RAB1A: variants seen among roughly 807,000 people sequenced by gnomAD.
The protein encoded by RAB1A is ras-related protein Rab-1A.
A neutral mutation model predicts 26.0 loss-of-function variants in RAB1A; 2 were observed. That is an observed-to-expected ratio of 0.08 (90% CI 0.03 to 0.24). The LOEUF (loss-of-function observed/expected upper bound fraction) is 0.24. RAB1A is among the 10% of genes least tolerant of loss of function. RAB1A has a pLI of 1.00. For missense variants in RAB1A, 100 were observed against 247.0 expected (o/e 0.40, Z 3.99); for synonymous variants, 84 against 84.9 (o/e 0.99, Z 0.06).
intron 3 of RAB1A, 63 bp downstream of exon 3, chr2:65,097,908 A>G (rs1270546194): frequency 9.7e-6 from 9 of 927,608 alleles, no homozygotes; most frequent in Non-Finnish European, 1.4e-5. Flanking sequence ...TATATACAAA[A>G]TAACAATACA....
intron 4 of RAB1A, among the ~76,000 whole-genome samples, chr2:65,089,350 C>CT (rs982332150): frequency 3.3e-5 from 5 of 151,980 alleles, no homozygotes; most frequent in African/African-American, 1.2e-4. Context: ...ATAGCTGGGA[C>CT]TACAGGCACA....
intron 1 of RAB1A, among the ~76,000 whole-genome samples, chr2:65,124,301 T>C (rs930392724): frequency 6.6e-6 from 1 of 152,114 alleles, no homozygotes; most frequent in African/African-American, 2.4e-5. Context: ...AATTTTTTAA[T>C]GCAAAATTTC....
chr2:65,099,937 A>G (rs973929926), intron 2 of RAB1A, among the ~76,000 whole-genome samples: 2 of 152,218 alleles, frequency 1.3e-5, no homozygotes, highest in African/African-American at 4.8e-5. Context: ...ATATTGGACA[A>G]TCTACAGGAC....
chr2:65,107,914 A>G (rs1455353377), intron 1 of RAB1A, among the ~76,000 whole-genome samples: 3 of 152,016 alleles, frequency 2.0e-5, no homozygotes, highest in Non-Finnish European at 4.4e-5. Context: ...AAATACTAAA[A>G]TTAGCTAGGC....
chr2:65,116,146 G>A (rs1216461765), intron 1 of RAB1A, among the ~76,000 whole-genome samples: 1 of 151,902 alleles, frequency 6.6e-6, no homozygotes, highest in Non-Finnish European at 1.5e-5. Flanking sequence ...AACAGAGTGA[G>A]ACTCCATCTC....
chr2:65,107,663 C>T (rs987819642), intron 1 of RAB1A, among the ~76,000 whole-genome samples: 1 of 152,054 alleles, frequency 6.6e-6, no homozygotes. Flanking sequence ...TTCAACACAA[C>T]AACTGGACTC....
In RAB1A at chr2:65,088,433, T is replaced by C. The variant is rs1669087937; in HGVS notation, c.*60A>G. The C allele has an allele frequency of 6.9e-7, 1 of 1,449,266 alleles. No individual in the cohort carries two copies. The highest frequency in any genetic ancestry group is 1.4e-5 in the African/African-American group (1 of 70,640). The allele number at this position is 1,449,266 out of a possible 1,614,324, so 89.8% of individuals were successfully genotyped here. ...ATACAGTACAATTCAGGCAATTTTG[T>C]TTTTTCACTTGGGTTCAGATTGCAA... is the stretch of plus-strand genomic sequence containing the variant. On this transcript the variant is annotated 3_prime_UTR_variant, in exon 6 of 6. Coordinates refer to ENST00000409784, the MANE Select transcript of RAB1A (RefSeq NM_004161.5).
chr2:65,093,396 G>C (rs920705653), intron 3 of RAB1A, among the ~76,000 whole-genome samples: 3 of 152,080 alleles, frequency 2.0e-5, no homozygotes, highest in African/African-American at 7.2e-5. Context: ...GCCTTCCATG[G>C]TGTACAACTG....
At chr2:65,114,655 A>G (rs1669781584) in intron 1 of RAB1A, among the ~76,000 whole-genome samples, 1 of 151,990 alleles carries the variant, frequency 6.6e-6, no homozygotes, top group South Asian at 2.1e-4. Context: ...CATCCTGGCT[A>G]ACAAGGTGAA....
In RAB1A at chr2:65,098,031, A is replaced by T. The variant is rs745755044; in HGVS notation, c.132T>A (p.Ile44=). The T allele has an allele frequency of 2.5e-6, 4 of 1,581,088 alleles. No individual in the cohort carries two copies. The African/African-American group carries it at 4.0e-5, about 16-fold the overall frequency. The part of the protein sequence containing the change: ...DTYTESYIST[I]GVDFKIRTIE... Reference sequence around the variant, plus strand: ...TAGTTCTTATTTTGAAATCCACACCAATTGTGCTGATGTAGCTTTCTGTAT... The same window carrying T: ...TAGTTCTTATTTTGAAATCCACACCTATTGTGCTGATGTAGCTTTCTGTAT... Residue 44 remains isoleucine, a synonymous_variant, in exon 3 of 6, where the codon ATT becomes ATA. Transcript: ENST00000409784.
At chr2:65,108,368 AAAAG>A (rs10688731) in intron 1 of RAB1A, among the ~76,000 whole-genome samples, 18 of 144,086 alleles carry the variant, frequency 1.2e-4, no homozygotes, top group Non-Finnish European at 2.1e-4. Flanking sequence ...AAAAAAAAAA[AAAAG>A]AAAGAAAGAA....
chr2:65,125,387 G>C (rs1377700692), intron 1 of RAB1A, among the ~76,000 whole-genome samples: 1 of 150,418 alleles, frequency 6.6e-6, no homozygotes, highest in African/African-American at 2.4e-5. Context: ...AAAATGTTAT[G>C]AGAATAATCA....
At chr2:65,105,590 C>T (rs1196750876) in intron 1 of RAB1A, among the ~76,000 whole-genome samples, 3 of 150,146 alleles carry the variant, frequency 2.0e-5, no homozygotes, top group East Asian at 1.9e-4. Flanking sequence ...GGGGTTCTCA[C>T]GATCCTTCTC....
intron 1 of RAB1A, among the ~76,000 whole-genome samples, chr2:65,113,492 C>CTCT (rs1669751582): frequency 5.9e-5 from 9 of 151,946 alleles, no homozygotes; most frequent in Admixed American, 5.9e-4. Flanking sequence ...GCCTAGGCAA[C>CTCT]AAGAGTGAGA....
rs1553392773 is a variant in RAB1A, at chr2:65,103,304, A to AAAAAAAAAAACAAAAAC, written c.96+1429_96+1430insGTTTTTGTTTTTTTTTT. 7.5e-4 allele frequency among the ~76,000 whole-genome samples: 84 copies of AAAAAAAAAAACAAAAAC among 112,534 alleles called. 8 individuals carry two copies. Among genetic ancestry groups the AAAAAAAAAAACAAAAAC allele is most frequent in the South Asian group, 7.1e-3 (24 of 3,358 alleles). The allele number at this position is 112,534 out of a possible 152,430, so 73.8% of individuals were successfully genotyped here. On this transcript the variant is annotated intron_variant, in intron 2 of 5. Transcript: ENST00000409784. ...AACACAGCCAGAATCTGTCTCAAAA[A>AAAAAAAAAAACAAAAAC]AAAAAAAAAACATTGTTTTATGTGA...
rs2103814518 is a variant in RAB1A at position 65,086,856 on chromosome 2, CA to C, written c.*1636del. ...AGATCCACCAAGCACGCCTATAATA[CA>C]AAGTAAACTATGATTTTTATTGTGA... On this transcript the variant is annotated 3_prime_UTR_variant, in exon 6 of 6. Transcript: ENST00000409784. 6.5e-6 allele frequency: 1 copy of C among 152,674 alleles called. No individual in the cohort carries two copies. The highest frequency in any genetic ancestry group is 1.9e-4 in the East Asian group (1 of 5,186). 9.5% of individuals were successfully genotyped at this position (152,674 alleles called of 1,614,324 possible). A position where few individuals can be genotyped will look rare whatever the true frequency, so the allele number is the denominator to read the frequency against.
chr2:65,093,975 C>CT (rs57541246), intron 3 of RAB1A, among the ~76,000 whole-genome samples: 107,619 of 146,470 alleles, frequency 0.73, 39,705 homozygotes, highest in South Asian at 0.79. Context: ...AGACCCTCTT[C>CT]TTTTTTTTTT....
intron 4 of RAB1A, among the ~76,000 whole-genome samples, chr2:65,090,118 G>A (rs879502189): frequency 3.9e-5 from 6 of 152,126 alleles, no homozygotes; most frequent in South Asian, 2.1e-4. Flanking sequence ...TTTAGAGGAC[G>A]AAAGTTTTCA....
chr2:65,121,799 G>A (rs892311715), intron 1 of RAB1A, among the ~76,000 whole-genome samples: 3 of 152,270 alleles, frequency 2.0e-5, no homozygotes, highest in African/African-American at 7.2e-5. Context: ...GGCCGGGGGG[G>A]AGTCTGGGCA....
Sources: gnomAD v4.1 joint callset for allele counts (sites outside exome capture counted in the v4.1 genomes callset) on GRCh38, gnomAD v4.1.1 for gene constraint, MANE v1.5 for transcripts, NCBI Gene and HGNC (gene_info 2026-07-23, HGNC 2026-07-21) for gene names.